Variants in LMF1 observed in about 807,000 individuals in gnomAD.
LMF1 encodes the protein lipase maturation factor 1.
In LMF1, 68 loss-of-function variants were observed where a neutral mutation model predicts 60.6. The observed-to-expected ratio is 1.12, with a 90% CI of 0.92 to 1.37. The LOEUF (loss-of-function observed/expected upper bound fraction) is 1.37, where lower values mean the gene tolerates loss of function less well. LMF1 is among the 40% of genes most tolerant of loss of function. LMF1 has a pLI of 0.00. For missense variants in LMF1, 948 were observed against 767.2 expected, an observed-to-expected ratio of 1.24 and a Z score of -2.78; for synonymous variants, 418 against 324.7, an observed-to-expected ratio of 1.29 and a Z score of -3.09.
chr16:972,727 C>G (rs974422274), upstream of LMF1, among the ~76,000 whole-genome samples: 2 of 152,218 alleles, frequency 1.3e-5, no homozygotes, highest in African/African-American at 2.4e-5. Context: ...CTGCTCTCCC[C>G]GCGAAGGGCA....
chr16:955,056 C>T (rs199700214), intron 1 of LMF1, among the ~76,000 whole-genome samples: 13,718 of 82,126 alleles, frequency 0.17, 638 homozygotes, highest in African/African-American at 0.33. Context: ...TCTAAGTAAA[C>T]TAGACACGTT....
At chr16:948,027 GACA>G (rs1364868870) in intron 2 of LMF1, among the ~76,000 whole-genome samples, 2 of 150,688 alleles carry the variant, frequency 1.3e-5, no homozygotes, top group African/African-American at 2.5e-5. Context: ...CAGAGTCAGA[GACA>G]ACGACAGAGT....
chr16:870,193 C>G (rs1301188992), intron 8 of LMF1, 127 bp from the exon 9 acceptor site: 1 of 1,092,738 alleles, frequency 9.2e-7, no homozygotes, highest in Non-Finnish European at 1.3e-6. Context: ...CTCCACCTGC[C>G]TCCTGGTCAG....
At chr16:980,092 G>T (rs542743257) in intron 1 of LMF1, 1 of 287,128 alleles carries the variant, frequency 3.5e-6, no homozygotes, top group African/African-American at 2.2e-5. Flanking sequence ...CTCCCAACTC[G>T]CGCACTCCGT....
chr16:891,987 G>T (rs961715673), intron 5 of LMF1, among the ~76,000 whole-genome samples: 2 of 152,182 alleles, frequency 1.3e-5, no homozygotes, highest in Admixed American at 1.3e-4. Flanking sequence ...AGCAAGGCGG[G>T]GCACTTGATG....
upstream of LMF1, among the ~76,000 whole-genome samples, chr16:973,673 T>A (rs777679396): frequency 8.5e-5 from 13 of 152,200 alleles, no homozygotes; most frequent in Non-Finnish European, 1.8e-4. Flanking sequence ...AATGGCTTAT[T>A]TCATGCTATG....
At chr16:934,168 A>G (rs1037219213) in intron 3 of LMF1, 76 bp downstream of exon 3, 3 of 1,598,012 alleles carry the variant, frequency 1.9e-6, no homozygotes, top group Non-Finnish European at 2.5e-6. Flanking sequence ...AGAGGCCAGG[A>G]AAAGTGCGTG....
chr16:980,045 G>A, intron 1 of LMF1: 3 of 320,680 alleles, frequency 9.4e-6, no homozygotes, highest in South Asian at 7.8e-5. Context: ...GGGCAGGCCA[G>A]GCTGGCAGCC....
upstream of LMF1, chr16:981,347 A>AGAGGGT (rs1302286541): frequency 2.1e-5 from 2 of 94,618 alleles, no homozygotes; most frequent in Non-Finnish European, 1.9e-5. Context: ...AGAGAGAGAG[A>AGAGGGT]GTGTGTGTGT....
intron 1 of LMF1, among the ~76,000 whole-genome samples, chr16:978,300 CCATA>C (rs1261320488): frequency 5.9e-5 from 9 of 151,718 alleles, no homozygotes; most frequent in Admixed American, 4.6e-4. Context: ...TAAACACACC[CCATA>C]CATACATCCC....
At chr16:959,293 G>T (rs1163215647) in intron 1 of LMF1, among the ~76,000 whole-genome samples, 1 of 152,226 alleles carries the variant, frequency 6.6e-6, no homozygotes, top group Non-Finnish European at 1.5e-5. Context: ...AGTGCATTTT[G>T]CTAAGCAAAA....
chr16:967,367 T>A (rs35283482), intron 1 of LMF1, among the ~76,000 whole-genome samples: 5,370 of 152,144 alleles, frequency 0.035, 156 homozygotes, highest in African/African-American at 0.063. Context: ...CATAAAACAG[T>A]GAGGGATTCT....
intron 10 of LMF1, among the ~76,000 whole-genome samples, chr16:856,994 A>G (rs959901718): frequency 2.0e-5 from 3 of 152,234 alleles, no homozygotes; most frequent in African/African-American, 7.2e-5. Flanking sequence ...TGTGATTTCA[A>G]GAACGTATGA....
At chr16:870,972 C>G (rs1407800361) in intron 7 of LMF1, 90 bp from the exon 8 acceptor site, 6 of 1,485,770 alleles carry the variant, frequency 4.0e-6, no homozygotes, top group Non-Finnish European at 4.5e-6. Context: ...CCCTAAGGGT[C>G]AGCTGTCCTG....
intron 10 of LMF1, among the ~76,000 whole-genome samples, chr16:863,528 A>C (rs931730345): frequency 6.6e-6 from 1 of 152,238 alleles, no homozygotes; most frequent in African/African-American, 2.4e-5. Flanking sequence ...GTCTTTTAAA[A>C]GAACCATCTC....
intron 1 of LMF1, chr16:977,140 G>A (rs1362738629): frequency 2.2e-6 from 1 of 453,300 alleles, no homozygotes; most frequent in Admixed American, 2.4e-5. Flanking sequence ...CCACTGCCCT[G>A]TGAGCGCCAG....
chr16:858,957 G>GC (rs2069318049), intron 10 of LMF1, among the ~76,000 whole-genome samples: 1 of 94,072 alleles, frequency 1.1e-5, no homozygotes, highest in African/African-American at 6.2e-5. Context: ...GTCACGGGAC[G>GC]GGTGTGCAGT....
At chr16:855,654 C>T in intron 10 of LMF1, 1 of 454,276 alleles carries the variant, frequency 2.2e-6, no homozygotes, top group Non-Finnish European at 4.4e-6. Context: ...CGGCTGCTGC[C>T]TGGCTGGGAT....
upstream of LMF1, chr16:975,717 T>G (rs1360255956): frequency 1.6e-5 from 7 of 437,860 alleles, no homozygotes; most frequent in South Asian, 4.8e-5. Context: ...AATTAAGCCT[T>G]CCTTCCCCAC....
Sources: gnomAD v4.1 joint callset for allele counts (sites outside exome capture counted in the v4.1 genomes callset) on GRCh38, gnomAD v4.1.1 for gene constraint, MANE v1.5 for transcripts, NCBI Gene and HGNC (gene_info 2026-07-23, HGNC 2026-07-21) for gene names.